Variants in SUPT7L observed in about 807,000 individuals in gnomAD.
SUPT7L encodes SPT7 like, STAGA complex subunit gamma, also known as STAGA complex 65 subunit gamma.
SUPT7L carries 15 observed loss-of-function variants against 35.7 expected under a neutral mutation model. The ratio of observed to expected loss-of-function variants is 0.42; its 90% CI spans 0.28 to 0.65. The LOEUF (loss-of-function observed/expected upper bound fraction) is 0.65. SUPT7L is among the 30% of genes least tolerant of loss of function. SUPT7L has a pLI of 0.23. For synonymous variants in SUPT7L, 168 were observed against 186.2 expected, an observed-to-expected ratio of 0.90 and a Z score of 0.79; for missense variants, 434 against 522.2, an observed-to-expected ratio of 0.83 and a Z score of 1.65.
chr2:27,661,069 G>A lies in SUPT7L; in HGVS notation c.334C>T (p.Pro112Ser). The A allele has an allele frequency of 6.2e-7, 1 of 1,614,172 alleles. No homozygotes were observed. The highest frequency in any genetic ancestry group is 8.5e-7 in the Non-Finnish European group (1 of 1,180,032). The change falls in exon 3 of 6, where the codon CCT (proline) becomes TCT (serine). Residue 112 changes from proline to serine, a missense_variant. By Grantham distance (74) the Pro-to-Ser change is moderately conservative. Transcript: ENST00000337768. ...LPSCPGSPPL[P>S]DDLLPLDCKN... is the part of the protein sequence containing the mutation. Reference sequence around the variant, plus strand: ...CAATCTAAAGGCAGGAGGTCATCAGGGAGAGGAGGTGACCCAGGGCACGAG... The same window carrying A: ...CAATCTAAAGGCAGGAGGTCATCAGAGAGAGGAGGTGACCCAGGGCACGAG...
Position 27,653,664 on chromosome 2 carries a change from C to G in SUPT7L, c.1066G>C (p.Gly356Arg), listed in dbSNP as rs913021339. Residue 356 changes from glycine (G) to arginine (R), a missense_variant, in exon 6 of 6, where the codon GGG becomes CGG. By Grantham distance (125) the Gly-to-Arg change is moderately radical. This residue lies in a region of SUPT7L where 159 missense variants were observed against 217.1 expected (regional missense o/e 0.73). Transcript: ENST00000337768. ...ACATCACTGCCCAGCACACCATGCC[C>G]AGAGACATTGCCTTCTTCACTTTCT... Reference protein sequence around the residue: ...PQESEEGNVSGHGVLGSDVFE... With the variant: ...PQESEEGNVSRHGVLGSDVFE... 6.2e-7 allele frequency: 1 copy of G among 1,614,078 alleles called. No individual in the cohort carries two copies. The highest frequency in any genetic ancestry group is 1.3e-5 in the African/African-American group (1 of 74,926).
At chr2:27,655,812 A>G (rs1320491612) in intron 4 of SUPT7L, among the ~76,000 whole-genome samples, 1 of 152,230 alleles carries the variant, frequency 6.6e-6, no homozygotes, top group Admixed American at 6.5e-5. Flanking sequence ...GAGAATGTGT[A>G]TGTCATTAAT....
At chr2:27,655,628 C>T in intron 4 of SUPT7L, 26 bp from the exon 5 acceptor site, 1 of 1,542,064 alleles carries the variant, frequency 6.5e-7, no homozygotes, top group Non-Finnish European at 8.7e-7. Flanking sequence ...AGTCAATTTT[C>T]CAAGGAAATG....
chr2:27,659,069 G>A (rs1293071447), intron 3 of SUPT7L, among the ~76,000 whole-genome samples: 1 of 152,156 alleles, frequency 6.6e-6, no homozygotes, highest in East Asian at 1.9e-4. Context: ...TTATATTGTT[G>A]AAATTAAATT....
At chr2:27,648,264 A>T (rs1674341923), downstream of SUPT7L, among the ~76,000 whole-genome samples, 1 of 152,180 alleles carries the variant, frequency 6.6e-6, no homozygotes, top group Non-Finnish European at 1.5e-5. Context: ...TCATGCCTGT[A>T]ATCCCACTGC....
chr2:27,654,044 CCT>C (rs780452098), intron 5 of SUPT7L, among the ~76,000 whole-genome samples: 13 of 152,168 alleles, frequency 8.5e-5, no homozygotes, highest in Non-Finnish European at 1.6e-4. Context: ...GGAAAGATCC[CCT>C]GTCTCACAGC....
At chr2:27,646,632 T>C (rs1674247666), downstream of SUPT7L, among the ~76,000 whole-genome samples, 1 of 152,180 alleles carries the variant, frequency 6.6e-6, no homozygotes, top group Non-Finnish European at 1.5e-5. Flanking sequence ...TATTGCAGCT[T>C]AGTGGAATCC....
downstream of SUPT7L, chr2:27,647,913 G>A: frequency 6.2e-7 from 1 of 1,612,538 alleles, no homozygotes; most frequent in Non-Finnish European, 8.5e-7. Context: ...TGAGGAAGCA[G>A]ACAGCGATAC....
At chr2:27,646,198 C>T (rs895926403), downstream of SUPT7L, among the ~76,000 whole-genome samples, 5 of 151,914 alleles carry the variant, frequency 3.3e-5, no homozygotes, top group Non-Finnish European at 5.9e-5. Flanking sequence ...CATGCCACCA[C>T]GCCCAGCTAA....
chr2:27,655,976 G>A (rs894043175), intron 4 of SUPT7L, among the ~76,000 whole-genome samples: 1 of 151,688 alleles, frequency 6.6e-6, no homozygotes, highest in African/African-American at 2.4e-5. Context: ...CTTGAGCCTC[G>A]GAGTCTGAGA....
intron 4 of SUPT7L, among the ~76,000 whole-genome samples, chr2:27,656,978 G>A (rs1674835547): frequency 6.6e-6 from 1 of 152,106 alleles, no homozygotes; most frequent in South Asian, 2.1e-4. Flanking sequence ...ACTTGTGTTT[G>A]TCTCCCTTCA....
At position 27,661,947 on chromosome 2, in the gene SUPT7L, C is replaced by T. The variant is rs1162300519; in HGVS notation, c.14+232G>A. ...GTGGAAAAATTTATGAACCATTAAT[C>T]TAAATGGCATTATGCTTTCAACTTT... is the stretch of plus-strand genomic sequence containing the variant. On this transcript the variant is annotated intron_variant, in intron 2 of 5. Coordinates refer to ENST00000337768, the MANE Select transcript of SUPT7L (RefSeq NM_014860.3). The T allele has an allele frequency of 5.0e-6, 3 of 599,352 alleles. No homozygotes were observed. In the African/African-American group the frequency reaches 5.6e-5, roughly 11 times the overall value. 37.1% of individuals were successfully genotyped at this position (599,352 alleles called of 1,614,324 possible). A position where few individuals can be genotyped will look rare whatever the true frequency, so the allele number is the denominator to read the frequency against.
At chr2:27,644,707 T>G in the SUPT7L span, among the ~76,000 whole-genome samples, 3 of 102,014 alleles carry the variant, frequency 2.9e-5, no homozygotes, top group African/African-American at 8.4e-5. Flanking sequence ...CCTTAGTGAG[T>G]TTTTTTTTTG....
At position 27,657,408 on chromosome 2, in the gene SUPT7L, A is replaced by G; in HGVS notation, c.681T>C (p.Ser227=). The G allele has an allele frequency of 6.2e-7, 1 of 1,614,256 alleles. No individual in the cohort carries two copies. Among genetic ancestry groups the G allele is most frequent in the Non-Finnish European group, 8.5e-7 (1 of 1,180,048 alleles). Residue 227 remains serine (S), a synonymous_variant, in exon 4 of 6, where the codon AGT becomes AGC. Coordinates refer to ENST00000337768, the MANE Select transcript of SUPT7L (RefSeq NM_014860.3). The surrounding 1 kb of genome is among the most constrained non-coding windows in gnomAD (Gnocchi z 5.2). ...GCCAGAACTTCTGGAGGGAGAGCACACTGCCAATACCCACTTCATGGAATA... is the reference window on the plus strand; with the variant it reads ...GCCAGAACTTCTGGAGGGAGAGCACGCTGCCAATACCCACTTCATGGAATA... ...EQVFHEVGIG[S]VLSLQKFWQH...
Position 27,653,625 on chromosome 2 carries a change from T to C in SUPT7L, c.1105A>G (p.Met369Val), listed in dbSNP as rs1261265298. ...ATCCCAGCTTCACTCATGCCTGACA[T>C]AGGCTCCTCGAAGACATCACTGCCC... is the stretch of plus-strand genomic sequence containing the variant. ...VLGSDVFEEP[M>V]SGMSEAGIPQ... Residue 369 changes from methionine to valine, a missense_variant, in exon 6 of 6, where the codon ATG becomes GTG. Met to Val is a conservative substitution (Grantham distance 21). Transcript: ENST00000337768. The C allele has an allele frequency of 2.5e-6, 4 of 1,614,074 alleles. No individual in the cohort carries two copies. In the African/African-American group the frequency reaches 5.3e-5, roughly 22 times the overall value.
At chr2:27,648,856 C>T (rs909611590), downstream of SUPT7L, among the ~76,000 whole-genome samples, 3 of 151,720 alleles carry the variant, frequency 2.0e-5, no homozygotes, top group Non-Finnish European at 4.4e-5. Context: ...AGGCTGGTCT[C>T]GAACTCCTGG....
chr2:27,662,215 C>T lies in SUPT7L; in HGVS notation c.-23G>A, dbSNP rs1675146108. ...CATTGTCCATATGTCTCTTCAAGTTCAACAAACATTTATCAAATGCCAGGC... is the reference window on the plus strand; with the variant it reads ...CATTGTCCATATGTCTCTTCAAGTTTAACAAACATTTATCAAATGCCAGGC... On this transcript the variant is annotated 5_prime_UTR_variant, in exon 2 of 6. Transcript: ENST00000337768. The T allele has an allele frequency of 6.2e-7, 1 of 1,613,648 alleles. No homozygotes were observed. The highest frequency in any genetic ancestry group is 8.5e-7 in the Non-Finnish European group (1 of 1,179,728).
intron 2 of SUPT7L, 114 bp downstream of exon 2, chr2:27,662,065 G>A: frequency 7.0e-7 from 1 of 1,438,382 alleles, no homozygotes; most frequent in South Asian, 1.2e-5. Flanking sequence ...CTACACTGCT[G>A]CTAGACTTAC....
At chr2:27,644,731 T>G in the SUPT7L span, among the ~76,000 whole-genome samples, 20 of 148,366 alleles carry the variant, frequency 1.3e-4, no homozygotes, top group African/African-American at 4.5e-4. Context: ...GTGTTTTTTT[T>G]TTTTTTTTTT....
Sources: allele counts gnomAD v4.1 joint callset (sites outside exome capture counted in the v4.1 genomes callset), GRCh38; gene constraint gnomAD v4.1.1; regional missense constraint gnomAD v4.1.1; non-coding constraint Gnocchi (gnomAD v3.1); transcripts MANE v1.5; gene names NCBI Gene and HGNC (gene_info 2026-07-23, HGNC 2026-07-21).